Variants in LSAMP observed in about 807,000 individuals in gnomAD.
The protein encoded by LSAMP is limbic system-associated membrane protein.
In LSAMP, 7 loss-of-function variants were observed where a neutral mutation model predicts 38.6. That is an observed-to-expected ratio of 0.18 (90% CI 0.10 to 0.34). LSAMP has a LOEUF of 0.34. Ranked by LOEUF, LSAMP falls within the 10% of genes least tolerant of loss-of-function variation. LSAMP has a pLI of 1.00. For synonymous variants in LSAMP, 154 were observed against 166.8 expected (o/e 0.92, Z 0.59); for missense variants, 313 against 420.0 (o/e 0.75, Z 2.23).
At chr3:115,965,329 G>A (rs1008783561) in intron 3 of LSAMP, among the ~76,000 whole-genome samples, 5 of 151,542 alleles carry the variant, frequency 3.3e-5, no homozygotes, top group East Asian at 3.9e-4. Flanking sequence ...ATTTTCCAGG[G>A]GAAACAAATG....
At chr3:115,872,506 C>T (rs1193073046) in intron 3 of LSAMP, among the ~76,000 whole-genome samples, 1 of 151,460 alleles carries the variant, frequency 6.6e-6, no homozygotes, top group Non-Finnish European at 1.5e-5. Flanking sequence ...AGGTAGAAGT[C>T]TAGAAAAGAG....
chr3:115,871,554 C>T (rs559691629), intron 3 of LSAMP, among the ~76,000 whole-genome samples: 19 of 150,896 alleles, frequency 1.3e-4, no homozygotes, highest in Admixed American at 4.0e-4. Flanking sequence ...GTACAAAGAA[C>T]AAAGCTACCT....
rs1032064930 is a variant in LSAMP at position 115,814,147 on chromosome 3, T to G, written c.920-3733A>C. 4.6e-5 allele frequency: 7 copies of G among 152,156 alleles called. No homozygotes were observed. In the East Asian group the frequency reaches 5.8e-4, roughly 13 times the overall value. The allele number at this position is 152,156 out of a possible 1,614,324, so 9.4% of individuals were successfully genotyped here. On this transcript the variant is annotated intron_variant, in intron 6 of 6. Transcript: ENST00000490035. ...CAGAAGTTTGGATTACAGAAAGAGA[T>G]GAAATACCAACCTGAATCAAAGGCA...
chr3:116,346,327 C>CTTTTTTTTTTTTTTTTTTTTT (rs11391341), intron 1 of LSAMP, among the ~76,000 whole-genome samples: 1 of 142,274 alleles, frequency 7.0e-6, no homozygotes, highest in African/African-American at 2.6e-5. Context: ...TTAGTTTTAT[C>CTTTTTTTTTTTTTTTTTTTTT]TTTTTTTTTT....
At chr3:116,042,472 C>T (rs1350550112) in intron 2 of LSAMP, among the ~76,000 whole-genome samples, 5 of 149,844 alleles carry the variant, frequency 3.3e-5, no homozygotes, top group Admixed American at 6.6e-5. Context: ...GCTCTGTTGC[C>T]AGGCTGGAGT....
At chr3:116,339,373 G>C (rs1195002676) in intron 1 of LSAMP, among the ~76,000 whole-genome samples, 1 of 150,782 alleles carries the variant, frequency 6.6e-6, no homozygotes. Context: ...ATGGTTAAGA[G>C]CCATAGTAAA....
chr3:116,303,886 A>C (rs1458943579), intron 1 of LSAMP, among the ~76,000 whole-genome samples: 1 of 152,184 alleles, frequency 6.6e-6, no homozygotes, highest in Non-Finnish European at 1.5e-5. Flanking sequence ...TGGAACTGTT[A>C]AAGCAGCCAA....
intron 1 of LSAMP, among the ~76,000 whole-genome samples, chr3:116,163,742 TA>T (rs146263058): frequency 0.067 from 10,210 of 151,916 alleles, 395 homozygotes; most frequent in Middle Eastern, 0.16. Flanking sequence ...AAAAAAAGAT[TA>T]AAAAAAATAT....
At chr3:116,346,001 A>G (rs2048058813) in intron 1 of LSAMP, among the ~76,000 whole-genome samples, 1 of 152,228 alleles carries the variant, frequency 6.6e-6, no homozygotes, top group African/African-American at 2.4e-5. Flanking sequence ...CACATAATCT[A>G]AAGGCAGAAT....
At chr3:116,315,494 A>G (rs574226798) in intron 1 of LSAMP, among the ~76,000 whole-genome samples, 60 of 152,204 alleles carry the variant, frequency 3.9e-4, no homozygotes, top group Non-Finnish European at 7.1e-4. Context: ...CAGTCAATTT[A>G]GTATCCCCTA....
At chr3:115,855,964 CTT>C (rs1305628200) in intron 3 of LSAMP, among the ~76,000 whole-genome samples, 1 of 152,154 alleles carries the variant, frequency 6.6e-6, no homozygotes, top group Non-Finnish European at 1.5e-5. Context: ...ACCCAGGAGA[CTT>C]TTCCCACAAT....
intron 1 of LSAMP, among the ~76,000 whole-genome samples, chr3:116,259,342 G>A (rs1210394213): frequency 6.6e-6 from 1 of 152,086 alleles, no homozygotes; most frequent in African/African-American, 2.4e-5. Flanking sequence ...AATATGGTTT[G>A]TTTGTTCTAA....
intron 1 of LSAMP, among the ~76,000 whole-genome samples, chr3:116,408,037 C>T (rs1057400852): frequency 6.6e-6 from 1 of 151,990 alleles, no homozygotes; most frequent in South Asian, 2.1e-4. Flanking sequence ...ACACAAACTT[C>T]TTATCATAAT....
At chr3:115,996,618 A>G (rs1939821289) in intron 3 of LSAMP, among the ~76,000 whole-genome samples, 1 of 152,118 alleles carries the variant, frequency 6.6e-6, no homozygotes, top group African/African-American at 2.4e-5. Flanking sequence ...GTTGACTATG[A>G]TCTCACAGAC....
chr3:115,842,536 G>C lies in LSAMP; in HGVS notation c.692C>G (p.Thr231Arg). 1 of 1,613,898 alleles carries C rather than the reference G, an allele frequency of 6.2e-7. No homozygotes were observed. The highest frequency in any genetic ancestry group is 1.1e-5 in the South Asian group (1 of 91,070). Residue 231 changes from threonine (T) to arginine (R), a missense_variant, in exon 5 of 7, where the codon ACA (threonine) becomes AGA (arginine). Coordinates refer to ENST00000490035, the MANE Select transcript of LSAMP (RefSeq NM_002338.5). ...ITESKSNEAT[T>R]GRQASLKCEA... ...ACATTTGAGTGAAGCTTGTCGTCCT[G>C]TGGTGGCTTCATTGCTCTTGGATTC...
At chr3:116,117,647 T>C (rs1343903239) in intron 1 of LSAMP, among the ~76,000 whole-genome samples, 1 of 152,214 alleles carries the variant, frequency 6.6e-6, no homozygotes, top group African/African-American at 2.4e-5. Context: ...TTTATGTTTT[T>C]GATAACTTTG....
chr3:115,955,157 A>T (rs112358995), intron 3 of LSAMP, among the ~76,000 whole-genome samples: 1 of 151,850 alleles, frequency 6.6e-6, no homozygotes, highest in African/African-American at 2.4e-5. Flanking sequence ...GACGGTTTCG[A>T]TCTCCTGACC....
At chr3:115,815,909 C>A (rs539807981) in intron 6 of LSAMP, among the ~76,000 whole-genome samples, 5 of 152,122 alleles carry the variant, frequency 3.3e-5, no homozygotes, top group Non-Finnish European at 7.4e-5. Flanking sequence ...TGGGAGTAAG[C>A]AACAAAGTGT....
At chr3:116,256,047 A>G (rs1032989750) in intron 1 of LSAMP, among the ~76,000 whole-genome samples, 14 of 152,158 alleles carry the variant, frequency 9.2e-5, no homozygotes, top group African/African-American at 3.4e-4. Context: ...AATGCAATAA[A>G]ATGCGTAATT....
Sources: allele counts gnomAD v4.1 joint callset (sites outside exome capture counted in the v4.1 genomes callset), GRCh38; gene constraint gnomAD v4.1.1; transcripts MANE v1.5; gene names NCBI Gene and HGNC (gene_info 2026-07-23, HGNC 2026-07-21).